The following ROBO2 variants were observed in gnomAD, a reference collection of about 807,000 sequenced individuals.
ROBO2 encodes the protein roundabout homolog 2.
A neutral mutation model predicts 160.8 loss-of-function variants in ROBO2; 53 were observed. That is an observed-to-expected ratio of 0.33 (90% CI 0.26 to 0.41). The LOEUF is 0.41. Among genes scored for constraint, ROBO2 ranks in the 10% least tolerant of loss-of-function variants. ROBO2 has a pLI of 1.00. For synonymous variants in ROBO2, 664 were observed against 611.7 expected, an observed-to-expected ratio of 1.09 and a Z score of -1.26; for missense variants, 1,577 against 1,722.4, an observed-to-expected ratio of 0.92 and a Z score of 1.49.
chr3:77,644,558 C>A, intron 24 of ROBO2, 146 bp from the exon 27 acceptor site: 1 of 719,510 alleles, frequency 1.4e-6, no homozygotes, highest in Non-Finnish European at 2.3e-6. Context: ...CTTTAATATC[C>A]GGTCCTGATT....
At chr3:76,987,796 TA>T (rs1280192403) in intron 2 of ROBO2, among the ~76,000 whole-genome samples, 1 of 152,194 alleles carries the variant, frequency 6.6e-6, no homozygotes, top group Non-Finnish European at 1.5e-5. Context: ...GGGAATAGTT[TA>T]AAGTTCTCCA....
intron 2 of ROBO2, among the ~76,000 whole-genome samples, chr3:77,015,052 T>C (rs73108481): frequency 0.15 from 23,264 of 151,420 alleles, 2,035 homozygotes; most frequent in Admixed American, 0.25. Flanking sequence ...AAAAAAAAAG[T>C]ACACATTTAA....
chr3:77,298,486 G>T (rs1240833836), intron 2 of ROBO2, among the ~76,000 whole-genome samples: 6 of 152,150 alleles, frequency 3.9e-5, no homozygotes, highest in South Asian at 2.1e-4. Context: ...TCACTCATGA[G>T]TCTTTTGTAT....
intron 2 of ROBO2, among the ~76,000 whole-genome samples, chr3:76,524,138 T>C (rs921485893): frequency 2.0e-5 from 3 of 152,068 alleles, no homozygotes; most frequent in Admixed American, 2.0e-4. Flanking sequence ...AAAATGATCA[T>C]AACAGATGTT....
intron 2 of ROBO2, among the ~76,000 whole-genome samples, chr3:76,759,150 G>A (rs1359230921): frequency 6.6e-6 from 1 of 151,630 alleles, no homozygotes; most frequent in African/African-American, 2.4e-5. Flanking sequence ...TTTTCATCTT[G>A]CAAATAAGGA....
intron 2 of ROBO2, among the ~76,000 whole-genome samples, chr3:75,979,708 G>A (rs982671049): frequency 4.6e-5 from 7 of 151,488 alleles, no homozygotes; most frequent in Non-Finnish European, 7.4e-5. Context: ...AAGAGCCTTA[G>A]CATTCTGAAA....
At chr3:76,520,450 CA>C (rs1200543680) in intron 2 of ROBO2, among the ~76,000 whole-genome samples, 2 of 151,690 alleles carry the variant, frequency 1.3e-5, no homozygotes, top group Non-Finnish European at 2.9e-5. Flanking sequence ...GACTCCATCT[CA>C]AAAAAAATTT....
chr3:77,471,896 A>G (rs1392480838), intron 2 of ROBO2, among the ~76,000 whole-genome samples: 1 of 152,012 alleles, frequency 6.6e-6, no homozygotes, highest in South Asian at 2.1e-4. Flanking sequence ...TGCGGTGTCA[A>G]CTCTGGTCTT....
chr3:77,208,219 G>A (rs1332397220), intron 2 of ROBO2, among the ~76,000 whole-genome samples: 1 of 151,962 alleles, frequency 6.6e-6, no homozygotes. Context: ...TACCTCACCT[G>A]GAACTCAAAG....
chr3:75,955,605 C>T (rs1948693916), intron 2 of ROBO2, among the ~76,000 whole-genome samples: 2 of 151,522 alleles, frequency 1.3e-5, no homozygotes, highest in South Asian at 2.1e-4. Context: ...CCACGTTGTG[C>T]ACATGTACCC....
At chr3:76,869,638 C>T (rs1221094790) in intron 2 of ROBO2, among the ~76,000 whole-genome samples, 1 of 151,932 alleles carries the variant, frequency 6.6e-6, no homozygotes, top group Non-Finnish European at 1.5e-5. Context: ...CGTGAGCCAC[C>T]GCGCCCGGCC....
At chr3:76,737,367 A>G (rs1233556026) in intron 2 of ROBO2, among the ~76,000 whole-genome samples, 1 of 151,588 alleles carries the variant, frequency 6.6e-6, no homozygotes, top group Non-Finnish European at 1.5e-5. Flanking sequence ...ACATTCCTCC[A>G]TGCTCAAAGG....
chr3:77,191,450 G>A (rs577830259), intron 2 of ROBO2, among the ~76,000 whole-genome samples: 1 of 152,138 alleles, frequency 6.6e-6, no homozygotes, highest in Admixed American at 6.5e-5. Context: ...GCCTAAGACA[G>A]ATAGGAACTG....
chr3:77,482,604 A>G (rs1221565201), intron 4 of ROBO2, among the ~76,000 whole-genome samples: 1 of 152,164 alleles, frequency 6.6e-6, no homozygotes, highest in African/African-American at 2.4e-5. Flanking sequence ...AAAAAATAGA[A>G]TTGTTCAAAG....
chr3:76,617,145 G>A (rs2088650620), intron 2 of ROBO2, among the ~76,000 whole-genome samples: 1 of 152,012 alleles, frequency 6.6e-6, no homozygotes, highest in African/African-American at 2.4e-5. Flanking sequence ...AAAGCCCCAG[G>A]TATGAAAAGA....
At chr3:77,322,004 T>C (rs2153432063) in intron 2 of ROBO2, among the ~76,000 whole-genome samples, 1 of 152,260 alleles carries the variant, frequency 6.6e-6, no homozygotes, top group South Asian at 2.1e-4. Flanking sequence ...ATAACAGGGC[T>C]TCAAGTATGG....
intron 2 of ROBO2, among the ~76,000 whole-genome samples, chr3:76,044,127 A>G (rs1464241014): frequency 2.6e-5 from 4 of 152,076 alleles, no homozygotes; most frequent in East Asian, 3.9e-4. Context: ...ACAGGGCAGC[A>G]TTAAACTCCT....
At chr3:77,238,015 T>A (rs553059703) in intron 2 of ROBO2, among the ~76,000 whole-genome samples, 2 of 152,330 alleles carry the variant, frequency 1.3e-5, no homozygotes, top group African/African-American at 4.8e-5. Flanking sequence ...TTCATATGCT[T>A]ATTTGCCATG....
intron 1 of ROBO2, among the ~76,000 whole-genome samples, chr3:75,921,118 C>A (rs1472059626): frequency 4.6e-5 from 7 of 151,986 alleles, no homozygotes; most frequent in Admixed American, 2.6e-4. Context: ...GCAGTTTCTT[C>A]CTAGTTTCAT....
Sources: allele counts gnomAD v4.1 joint callset (sites outside exome capture counted in the v4.1 genomes callset), GRCh38; gene constraint gnomAD v4.1.1; transcripts MANE v1.5; gene names NCBI Gene and HGNC (gene_info 2026-07-23, HGNC 2026-07-21).